ARHGEF38: variants seen among roughly 807,000 people sequenced by gnomAD.
The protein encoded by ARHGEF38 is Rho guanine nucleotide exchange factor (GEF) 38.
ARHGEF38 carries 79 observed loss-of-function variants against 79.9 expected under a neutral mutation model. The observed-to-expected ratio is 0.99, with a 90% CI of 0.82 to 1.19. The LOEUF (loss-of-function observed/expected upper bound fraction) is 1.19. ARHGEF38 is among the 50% of genes most tolerant of loss of function. ARHGEF38 has a pLI of 0.00. For synonymous variants in ARHGEF38, 366 were observed against 328.3 expected (o/e 1.11, Z -1.24); for missense variants, 962 against 907.2 (o/e 1.06, Z -0.78).
In ARHGEF38 at chr4:105,659,336, G is replaced by A; in HGVS notation, c.1516G>A (p.Ala506Thr). ...CCTCCTTAGGGACCTGATGCTCGTG[G>A]CACAGCAGGCTTACTCCACACTTGT... ...ITLLRDLMLV[A>T]QQAYSTLVPM... Residue 506 changes from alanine to threonine, a missense_variant, in exon 10 of 14, where the codon GCA becomes ACA. Ala to Thr is a moderately conservative substitution (Grantham distance 58, BLOSUM62 0). Coordinates refer to ENST00000420470, the MANE Select transcript of ARHGEF38 (RefSeq NM_001242729.2). The A allele has an allele frequency of 1.3e-6, 2 of 1,535,242 alleles. No individual in the cohort carries two copies. The highest frequency in any genetic ancestry group is 1.7e-6 in the Non-Finnish European group (2 of 1,146,784).
chr4:105,586,926 T>TC (rs1199623175), intron 1 of ARHGEF38, among the ~76,000 whole-genome samples: 1 of 148,236 alleles, frequency 6.7e-6, no homozygotes, highest in Non-Finnish European at 1.5e-5. Flanking sequence ...CCCAATCATT[T>TC]CACTATGTAT....
chr4:105,600,396 C>A (rs1032236016), intron 2 of ARHGEF38, among the ~76,000 whole-genome samples: 1 of 152,146 alleles, frequency 6.6e-6, no homozygotes, highest in African/African-American at 2.4e-5. Flanking sequence ...AAAAACAGTG[C>A]CTTCTGTCTT....
chr4:105,602,820 T>C (rs1374530), intron 2 of ARHGEF38, among the ~76,000 whole-genome samples: 39,796 of 151,982 alleles, frequency 0.26, 5,890 homozygotes, highest in African/African-American at 0.4. Flanking sequence ...AAGGTAGTTG[T>C]TCAAAAAAAA....
rs1730452537 is a variant in ARHGEF38 at position 105,659,038 on chromosome 4, T to G, written c.1234-16T>G. The stretch of plus-strand genomic sequence containing the variant: ...TGATCCTCTCTCTGAAATGGGCTCA[T>G]TTTTTCTTTTGGCAGGCATCTCACT... On this transcript the variant is annotated splice_polypyrimidine_tract_variant and intron_variant, in intron 9 of 13. Coordinates refer to ENST00000420470, the MANE Select transcript of ARHGEF38 (RefSeq NM_001242729.2). 1.3e-6 allele frequency: 2 copies of G among 1,522,038 alleles called. No homozygotes were observed. Among genetic ancestry groups the G allele is most frequent in the East Asian group, 2.5e-5 (1 of 40,802 alleles). The allele number at this position is 1,522,038 out of a possible 1,614,324, so 94.3% of individuals were successfully genotyped here.
In ARHGEF38 at chr4:105,679,563, G is replaced by A. The variant is rs922349425; in HGVS notation, c.*1626G>A. 9.6e-6 allele frequency: 10 copies of A among 1,040,326 alleles called. No individual in the cohort carries two copies. The highest frequency in any genetic ancestry group is 4.7e-5 in the East Asian group (2 of 42,226). The allele number at this position is 1,040,326 out of a possible 1,614,324, so 64.4% of individuals were successfully genotyped here. ...TAAAGCTGCAGCCAATGCATCTATC[G>A]CCCCTTTCTCTTCTATCAGTATCTG... On this transcript the variant is annotated 3_prime_UTR_variant, in exon 14 of 14. Transcript: ENST00000420470.
At chr4:105,572,811 C>T (rs1045402989) in intron 1 of ARHGEF38, among the ~76,000 whole-genome samples, 17 of 152,080 alleles carry the variant, frequency 1.1e-4, no homozygotes, top group Admixed American at 3.3e-4. Context: ...GGGTTGCTTC[C>T]ATGCTTTAGC....
chr4:105,626,609 T>C (rs965082898), intron 3 of ARHGEF38, among the ~76,000 whole-genome samples: 1 of 152,138 alleles, frequency 6.6e-6, no homozygotes, highest in Non-Finnish European at 1.5e-5. Flanking sequence ...CCCCTCATTG[T>C]TTATTTACCT....
chr4:105,636,288 A>C, intron 4 of ARHGEF38, 115 bp from the exon 5 acceptor site: 1 of 182,222 alleles, frequency 5.5e-6, no homozygotes, highest in Non-Finnish European at 1.1e-5. Context: ...TAAGGCATTC[A>C]TGAAAATTAC....
At chr4:105,655,452 G>T (rs2110557181) in intron 8 of ARHGEF38, 151 bp from the exon 9 acceptor site, 1 of 798,312 alleles carries the variant, frequency 1.3e-6, no homozygotes, top group South Asian at 2.2e-5. Context: ...CAACCTGATT[G>T]TACAGAGCAT....
chr4:105,677,714 G>A, intron 13 of ARHGEF38, 38 bp from the exon 14 acceptor site: 1 of 1,367,414 alleles, frequency 7.3e-7, no homozygotes, highest in South Asian at 1.8e-5. Context: ...TAATATTCAG[G>A]TTCCAATTCC....
chr4:105,639,952 C>T (rs1229539714), intron 5 of ARHGEF38, among the ~76,000 whole-genome samples: 11 of 151,790 alleles, frequency 7.2e-5, no homozygotes, highest in South Asian at 2.1e-4. Flanking sequence ...AAATAGTAAT[C>T]CCCTCTTCTC....
intron 11 of ARHGEF38, 39 bp downstream of exon 11, chr4:105,666,359 C>T: frequency 6.7e-7 from 1 of 1,482,892 alleles, no homozygotes; most frequent in Non-Finnish European, 8.9e-7. Context: ...TAACTTTCAC[C>T]TCTTTGCCTT....
chr4:105,656,254 C>A (rs1483801686), intron 9 of ARHGEF38, among the ~76,000 whole-genome samples: 1 of 151,990 alleles, frequency 6.6e-6, no homozygotes, highest in East Asian at 1.9e-4. Context: ...CGGGGTTTCA[C>A]CATGTTGCCC....
In ARHGEF38 at chr4:105,679,780, T is replaced by C. The variant is rs767877101; in HGVS notation, c.*1843T>C. The C allele has an allele frequency of 1.6e-5, 16 of 978,114 alleles. No individual in the cohort carries two copies. The highest frequency in any genetic ancestry group is 3.9e-5 in the South Asian group (3 of 75,998). The allele number at this position is 978,114 out of a possible 1,614,324, so 60.6% of individuals were successfully genotyped here. Reference sequence around the variant, plus strand: ...GTTGATAAAAACATATACAAACCCCTGTCTGTCCAGCTTTACCCACGCATC... The same window carrying C: ...GTTGATAAAAACATATACAAACCCCCGTCTGTCCAGCTTTACCCACGCATC... On this transcript the variant is annotated 3_prime_UTR_variant, in exon 14 of 14. Coordinates refer to ENST00000420470, the MANE Select transcript of ARHGEF38 (RefSeq NM_001242729.2).
chr4:105,665,266 G>A (rs1300333820), intron 10 of ARHGEF38, among the ~76,000 whole-genome samples: 2 of 151,928 alleles, frequency 1.3e-5, no homozygotes, highest in Non-Finnish European at 2.9e-5. Flanking sequence ...AGGCCGAGGC[G>A]GGCGGATCAT....
chr4:105,639,413 T>G (rs753101214), intron 5 of ARHGEF38, among the ~76,000 whole-genome samples: 7 of 152,032 alleles, frequency 4.6e-5, no homozygotes, highest in Non-Finnish European at 7.4e-5. Context: ...ATCATTTTTT[T>G]CTACTGTGCC....
At chr4:105,620,947 T>C (rs1042253824) in intron 3 of ARHGEF38, among the ~76,000 whole-genome samples, 5 of 152,204 alleles carry the variant, frequency 3.3e-5, no homozygotes, top group African/African-American at 1.2e-4. Context: ...TCTACTTTCA[T>C]AATTTTGGAA....
intron 6 of ARHGEF38, 65 bp from the exon 7 acceptor site, chr4:105,648,484 T>G: frequency 7.3e-7 from 1 of 1,369,900 alleles, no homozygotes; most frequent in Non-Finnish European, 9.5e-7. Context: ...TTGAAAACTT[T>G]GGGTGAAGTG....
At chr4:105,637,526 T>C (rs974399764) in intron 5 of ARHGEF38, among the ~76,000 whole-genome samples, 3 of 152,136 alleles carry the variant, frequency 2.0e-5, no homozygotes, top group Admixed American at 6.6e-5. Context: ...AAGAGGTGCA[T>C]CGGCCTCCTG....
Sources: gnomAD v4.1 joint callset for allele counts (sites outside exome capture counted in the v4.1 genomes callset) on GRCh38, gnomAD v4.1.1 for gene constraint, MANE v1.5 for transcripts, NCBI Gene and HGNC (gene_info 2026-07-23, HGNC 2026-07-21) for gene names.